SLC9A4: variants seen among roughly 807,000 people sequenced by gnomAD.
The protein encoded by SLC9A4 is sodium/hydrogen exchanger 4.
In SLC9A4, 63 loss-of-function variants were observed where a neutral mutation model predicts 67.4. That is an observed-to-expected ratio of 0.93 (90% confidence interval 0.76 to 1.15). The LOEUF is 1.15. Among genes scored for constraint, SLC9A4 ranks in the 50% most tolerant of loss-of-function variants. SLC9A4 has a pLI of 0.00. For synonymous variants in SLC9A4, 393 were observed against 367.2 expected (o/e 1.07, Z -0.80); for missense variants, 1,089 against 987.7 (o/e 1.10, Z -1.38).
intron 2 of SLC9A4, among the ~76,000 whole-genome samples, chr2:102,492,999 C>A (rs1373836266): frequency 1.3e-5 from 2 of 152,170 alleles, no homozygotes; most frequent in African/African-American, 4.8e-5. Flanking sequence ...AGAGAATTAC[C>A]TTTATTCCAG....
intron 2 of SLC9A4, among the ~76,000 whole-genome samples, chr2:102,487,046 T>A (rs1311955141): frequency 6.6e-6 from 1 of 152,188 alleles, no homozygotes; most frequent in Non-Finnish European, 1.5e-5. Flanking sequence ...GACCTTCTGT[T>A]GGGGAGGGCA....
chr2:102,502,302 T>A (rs1230790517), intron 2 of SLC9A4, among the ~76,000 whole-genome samples: 1 of 152,102 alleles, frequency 6.6e-6, no homozygotes, highest in Non-Finnish European at 1.5e-5. Context: ...TCAAAATAAA[T>A]GTTGAAATAA....
intron 11 of SLC9A4, among the ~76,000 whole-genome samples, chr2:102,529,081 A>G (rs903831060): frequency 6.6e-6 from 1 of 152,238 alleles, no homozygotes; most frequent in South Asian, 2.1e-4. Context: ...TGTGCAAGAA[A>G]TATTAGTCAT....
At chr2:102,520,572 C>A (rs572362105) in intron 9 of SLC9A4, among the ~76,000 whole-genome samples, 1 of 152,102 alleles carries the variant, frequency 6.6e-6, no homozygotes, top group Non-Finnish European at 1.5e-5. Flanking sequence ...AGTCATCTAA[C>A]GAAGTCATAT....
chr2:102,523,293 A>T (rs541045733), intron 9 of SLC9A4, among the ~76,000 whole-genome samples: 1 of 152,242 alleles, frequency 6.6e-6, no homozygotes, highest in East Asian at 1.9e-4. Flanking sequence ...CTTCTTTACA[A>T]CACTATTTTT....
rs769933423 is a variant in SLC9A4 at position 102,478,889 on chromosome 2, C to T, written c.307C>T (p.Leu103Phe). 4.3e-6 allele frequency: 7 copies of T among 1,614,212 alleles called. No homozygotes were observed. The highest frequency in any genetic ancestry group is 5.9e-6 in the Non-Finnish European group (7 of 1,180,056). The change falls in exon 2 of 12, where the codon CTC becomes TTC. Residue 103 changes from leucine to phenylalanine, a missense_variant. Leu to Phe is a conservative substitution (Grantham distance 22). Coordinates refer to ENST00000295269, the MANE Select transcript of SLC9A4 (RefSeq NM_001011552.4). ...AGGCCTCATGCCAGAAAGCTGCCTCCTCATCCTGGTGGGGGCGCTGGTGGG... is the reference window on the plus strand; with the variant it reads ...AGGCCTCATGCCAGAAAGCTGCCTCTTCATCCTGGTGGGGGCGCTGGTGGG... ...LPGLMPESCL[L>F]ILVGALVGGI...
intron 2 of SLC9A4, among the ~76,000 whole-genome samples, chr2:102,482,278 C>T (rs1684481130): frequency 1.3e-5 from 2 of 152,184 alleles, no homozygotes; most frequent in Non-Finnish European, 2.9e-5. Context: ...TACCCTCTGA[C>T]CCAGACTGTC....
intron 2 of SLC9A4, among the ~76,000 whole-genome samples, chr2:102,497,837 A>G (rs954522901): frequency 2.0e-5 from 3 of 152,190 alleles, no homozygotes; most frequent in Admixed American, 6.5e-5. Flanking sequence ...AAAGTTAACA[A>G]GAAAAAAAAT....
At position 102,532,372 on chromosome 2, in the gene SLC9A4, G is replaced by C; in HGVS notation, c.2081G>C (p.Ser694Thr). 6.2e-7 allele frequency: 1 copy of C among 1,614,088 alleles called. No homozygotes were observed. The highest frequency in any genetic ancestry group is 1.1e-5 in the South Asian group (1 of 91,074). The change falls in exon 12 of 12, where the codon AGC becomes ACC. Residue 694 changes from serine (S) to threonine (T), a missense_variant. Physicochemically the swap from Ser to Thr is moderately conservative, Grantham distance 58. Coordinates refer to ENST00000295269, the MANE Select transcript of SLC9A4 (RefSeq NM_001011552.4). ...CCAGGATCCCCATCCATCACGTTCA[G>C]CGCATGCTCTCGGATAGGGTCACTT... ...SDPGSPSITF[S>T]ACSRIGSLQK... is the part of the protein sequence containing the mutation.
At chr2:102,508,758 A>G (rs1472878154) in intron 5 of SLC9A4, 89 bp from the exon 6 acceptor site, 6 of 927,164 alleles carry the variant, frequency 6.5e-6, no homozygotes, top group Non-Finnish European at 9.9e-6. Context: ...TATAGATTGG[A>G]CATTCTAATA....
At chr2:102,517,592 G>A (rs1320663681) in intron 8 of SLC9A4, among the ~76,000 whole-genome samples, 1 of 152,140 alleles carries the variant, frequency 6.6e-6, no homozygotes, top group Non-Finnish European at 1.5e-5. Context: ...ATAGCTAGAA[G>A]AGAATGATTT....
At chr2:102,517,084 C>T (rs948131886) in intron 8 of SLC9A4, among the ~76,000 whole-genome samples, 2 of 152,178 alleles carry the variant, frequency 1.3e-5, no homozygotes, top group Non-Finnish European at 2.9e-5. Flanking sequence ...GATGCAGGTT[C>T]TGATGCCATT....
At position 102,514,501 on chromosome 2, in the gene SLC9A4, G is replaced by A. The variant is rs142735636; in HGVS notation, c.1721+250G>A. Among the ~76,000 whole-genome samples the A allele has an allele frequency of 3.7e-3, 569 of 152,236 alleles. 4 individuals carry two copies. Among genetic ancestry groups the A allele is most frequent in the Middle Eastern group, 0.02 (6 of 294 alleles). ...TAGAGTTGTATGACATCTTTCTTTG[G>A]GAGGGAAGGGCAAGCGAATGTGTAG... On this transcript the variant is annotated intron_variant, in intron 8 of 11. Coordinates refer to ENST00000295269, the MANE Select transcript of SLC9A4 (RefSeq NM_001011552.4).
At position 102,518,859 on chromosome 2, in the gene SLC9A4, GAAACAAAC is replaced by G. The variant is rs535926347; in HGVS notation, c.1722-983_1722-976del. ...TCAAAATTCAAAAGAGCTGAGGCTAGAAACAAACAAACAAACAAACAAACCCATTAAGG... is the reference window on the plus strand; with the variant it reads ...TCAAAATTCAAAAGAGCTGAGGCTAGAAACAAACAAACAAACCCATTAAGG... On this transcript the variant is annotated intron_variant, in intron 8 of 11. Coordinates refer to ENST00000295269, the MANE Select transcript of SLC9A4 (RefSeq NM_001011552.4). Among the ~76,000 whole-genome samples, 5 of 152,156 alleles carry G rather than the reference GAAACAAAC, an allele frequency of 3.3e-5. No homozygotes were observed. The East Asian group carries it at 5.8e-4, about 18-fold the overall frequency.
At chr2:102,523,348 T>C (rs1674586919) in intron 9 of SLC9A4, among the ~76,000 whole-genome samples, 1 of 152,102 alleles carries the variant, frequency 6.6e-6, no homozygotes. Flanking sequence ...TAATAGCTAA[T>C]GGAAACCATA....
At chr2:102,483,385 A>C (rs1283618698) in intron 2 of SLC9A4, among the ~76,000 whole-genome samples, 2 of 152,116 alleles carry the variant, frequency 1.3e-5, no homozygotes, top group East Asian at 1.9e-4. Context: ...TCACCCTTTC[A>C]TTGAGGAAGG....
chr2:102,505,159 G>A, intron 3 of SLC9A4, 95 bp from the exon 4 acceptor site: 1 of 1,092,000 alleles, frequency 9.2e-7, no homozygotes, highest in Non-Finnish European at 1.3e-6. Flanking sequence ...GCATCAACAC[G>A]GGCTTCATGC....
chr2:102,526,444 A>T, intron 11 of SLC9A4, 98 bp downstream of exon 11: 1 of 1,066,680 alleles, frequency 9.4e-7, no homozygotes, highest in Non-Finnish European at 1.4e-6. Flanking sequence ...AACATTATGT[A>T]GGTTACTTAC....
At position 102,525,107 on chromosome 2, in the gene SLC9A4, C is replaced by T. The variant is rs1355677076; in HGVS notation, c.1902C>T (p.Thr634=). The T allele has an allele frequency of 1.1e-5, 18 of 1,613,924 alleles. No homozygotes were observed. In the East Asian group the frequency reaches 1.3e-4, roughly 12 times the overall value. The change falls in exon 10 of 12, where the codon ACC becomes ACT. Residue 634 remains threonine (T), a synonymous_variant. Transcript: ENST00000295269. ...AGATTCTGATCCGCCGCCAGAACAC[C>T]TTAAGGGAGAGCATGAGGAAAGGTC... The part of the protein sequence containing the change: ...AKEILIRRQN[T]LRESMRKGHS...
Sources: gnomAD v4.1 joint callset for allele counts (sites outside exome capture counted in the v4.1 genomes callset) on GRCh38, gnomAD v4.1.1 for gene constraint, MANE v1.5 for transcripts, NCBI Gene and HGNC (gene_info 2026-07-23, HGNC 2026-07-21) for gene names.